CHD7: variants seen among roughly 807,000 people sequenced by gnomAD.
The protein encoded by CHD7 is ATP-dependent chromatin remodeler CHD7.
In CHD7, 24 loss-of-function variants were observed where a neutral mutation model predicts 307.3. The ratio of observed to expected loss-of-function variants is 0.08; its 90% CI spans 0.06 to 0.11. The LOEUF is 0.11. CHD7 is among the 10% of genes least tolerant of loss of function. CHD7 has a pLI of 1.00. For synonymous variants in CHD7, 1,363 were observed against 1,349.9 expected (o/e 1.01, Z -0.21); for missense variants, 3,106 against 3,727.1 (o/e 0.83, Z 4.34).
intron 2 of CHD7, among the ~76,000 whole-genome samples, chr8:60,772,389 T>A (rs1370563376): frequency 6.6e-6 from 1 of 152,234 alleles, no homozygotes; most frequent in African/African-American, 2.4e-5. Context: ...TTTAAGGTAG[T>A]AGAAACTTAA....
chr8:60,837,588 G>A (rs1804796709), intron 17 of CHD7, 80 bp from the exon 18 acceptor site: 3 of 1,239,458 alleles, frequency 2.4e-6, no homozygotes, highest in South Asian at 1.6e-5. Flanking sequence ...ATTGGAATGA[G>A]GGTTTCAGCA....
At position 60,744,585 on chromosome 8, in the gene CHD7, G is replaced by C. The variant is rs375251251; in HGVS notation, c.1665+1488G>C. Among the ~76,000 whole-genome samples the C allele has an allele frequency of 3.4e-5, 5 of 149,114 alleles. No homozygotes were observed. In the East Asian group the frequency reaches 8.0e-4, roughly 24 times the overall value. ...AAAGTATTTTAGGCCAGGCACAATG[G>C]CTCATGCCTGCAATCCCAGCACTCT... On this transcript the variant is annotated intron_variant, in intron 2 of 37. Transcript: ENST00000423902.
intron 7 of CHD7, among the ~76,000 whole-genome samples, chr8:60,811,782 A>G (rs1246954186): frequency 6.6e-6 from 1 of 152,066 alleles, no homozygotes; most frequent in Non-Finnish European, 1.5e-5. Context: ...TGTTGTATGA[A>G]TTTATGTTCC....
At chr8:60,802,985 G>T (rs1288454896) in intron 6 of CHD7, among the ~76,000 whole-genome samples, 1 of 152,156 alleles carries the variant, frequency 6.6e-6, no homozygotes, top group Non-Finnish European at 1.5e-5. Context: ...GGGGATACGG[G>T]GTATGGAGTG....
chr8:60,762,146 T>G (rs937867346), intron 2 of CHD7, among the ~76,000 whole-genome samples: 3 of 152,126 alleles, frequency 2.0e-5, no homozygotes, highest in Admixed American at 6.5e-5. Context: ...GTAGGTCCTC[T>G]CAGTAAAGTC....
intron 7 of CHD7, among the ~76,000 whole-genome samples, chr8:60,816,113 G>GTCTGTCTCTC (rs58405811): frequency 0.014 from 1,967 of 139,212 alleles, 58 homozygotes; most frequent in African/African-American, 0.053. Context: ...CTGTCTGTCT[G>GTCTGTCTCTC]TCTCTCTCTC....
At chr8:60,725,018 ATTT>A (rs1808096853) in intron 1 of CHD7, among the ~76,000 whole-genome samples, 1 of 152,188 alleles carries the variant, frequency 6.6e-6, no homozygotes, top group South Asian at 2.1e-4. Context: ...TTGGTGGATT[ATTT>A]GTTTAAAAGA....
At chr8:60,779,858 A>T (rs1243363469) in intron 2 of CHD7, among the ~76,000 whole-genome samples, 1 of 152,114 alleles carries the variant, frequency 6.6e-6, no homozygotes, top group Non-Finnish European at 1.5e-5. Context: ...TTCATCTTAG[A>T]GTGGCGGTGT....
At chr8:60,756,489 CA>C (rs1347715409) in intron 2 of CHD7, among the ~76,000 whole-genome samples, 1 of 152,070 alleles carries the variant, frequency 6.6e-6, no homozygotes, top group Non-Finnish European at 1.5e-5. Context: ...TTGTTAATCC[CA>C]AAAAAGTCCC....
chr8:60,790,603 G>A (rs1239157956), intron 3 of CHD7, among the ~76,000 whole-genome samples: 1 of 152,114 alleles, frequency 6.6e-6, no homozygotes, highest in East Asian at 1.9e-4. Context: ...CATACCCAGG[G>A]CTATGTATGT....
intron 24 of CHD7, 46 bp downstream of exon 24, chr8:60,848,650 G>C: frequency 1.4e-6 from 2 of 1,439,466 alleles, no homozygotes; most frequent in Non-Finnish European, 1.9e-6. Context: ...GAGATAATCT[G>C]GGTAGCCGGA....
At chr8:60,748,158 A>G (rs965553685) in intron 2 of CHD7, among the ~76,000 whole-genome samples, 1 of 152,172 alleles carries the variant, frequency 6.6e-6, no homozygotes, top group African/African-American at 2.4e-5. Flanking sequence ...CACACTGTAG[A>G]GATCAGCACT....
At chr8:60,726,530 T>A (rs1331944865) in intron 1 of CHD7, among the ~76,000 whole-genome samples, 1 of 152,260 alleles carries the variant, frequency 6.6e-6, no homozygotes, top group Non-Finnish European at 1.5e-5. Context: ...ACAGGAAATG[T>A]GTGATCGTCT....
intron 13 of CHD7, 47 bp from the exon 14 acceptor site, chr8:60,828,616 G>C (rs1289343719): frequency 6.4e-7 from 1 of 1,551,932 alleles, no homozygotes; most frequent in African/African-American, 1.4e-5. Context: ...TTTTAAGAAA[G>C]TGTTTTTGTT....
In CHD7 at chr8:60,771,239, A is replaced by G. The variant is rs1384689; in HGVS notation, c.1666-9761A>G. ...AAAAACAATTTCAGATGAGAGTTGC[A>G]GAAGATTTTAAAGTATACATTAGTT... On this transcript the variant is annotated intron_variant, in intron 2 of 37. Coordinates refer to ENST00000423902, the MANE Select transcript of CHD7 (RefSeq NM_017780.4). 1.2e-4 allele frequency among the ~76,000 whole-genome samples: 19 copies of G among 152,368 alleles called. No homozygotes were observed. The East Asian group carries it at 3.5e-3, about 28-fold the overall frequency.
chr8:60,729,851 A>G (rs535579041), intron 1 of CHD7, among the ~76,000 whole-genome samples: 81 of 152,354 alleles, frequency 5.3e-4, no homozygotes, highest in Non-Finnish European at 9.7e-4. Flanking sequence ...AATGGACACA[A>G]TGTAGAAATT....
At chr8:60,679,389 C>T (rs1805448043) in intron 1 of CHD7, among the ~76,000 whole-genome samples, 1 of 112,984 alleles carries the variant, frequency 8.9e-6, no homozygotes, top group South Asian at 2.9e-4. Context: ...GCGGTGCGGC[C>T]GAGGGTCACT....
chr8:60,723,226 G>A lies in CHD7; in HGVS notation c.-174-18033G>A, dbSNP rs76340538. Among the ~76,000 whole-genome samples, 2,266 of 151,854 alleles carry A rather than the reference G, an allele frequency of 0.015. 143 individuals are homozygous for A. The East Asian group carries it at 0.16, about 11-fold the overall frequency. ...GTTTTCCAAAATTCCTATTTTATTC[G>A]AATACTTATTTTATTTTATCATTGG... On this transcript the variant is annotated intron_variant, in intron 1 of 37. Transcript: ENST00000423902.
intron 2 of CHD7, among the ~76,000 whole-genome samples, chr8:60,772,623 G>A (rs890829296): frequency 1.3e-5 from 2 of 152,126 alleles, no homozygotes; most frequent in Non-Finnish European, 2.9e-5. Flanking sequence ...GGACCTTAGG[G>A]CCAACTTGAA....
Sources: allele counts gnomAD v4.1 joint callset (sites outside exome capture counted in the v4.1 genomes callset), GRCh38; gene constraint gnomAD v4.1.1; transcripts MANE v1.5; gene names NCBI Gene and HGNC (gene_info 2026-07-23, HGNC 2026-07-21).